PTAR1: variants seen among roughly 807,000 people sequenced by gnomAD.
PTAR1 encodes protein prenyltransferase alpha subunit repeat-containing protein 1.
In PTAR1, 17 loss-of-function variants were observed where a neutral mutation model predicts 45.5. The observed-to-expected ratio is 0.37, with a 90% confidence interval of 0.26 to 0.56. The LOEUF is 0.56. Among genes scored for constraint, PTAR1 ranks in the 20% least tolerant of loss-of-function variants. The probability of loss-of-function intolerance (pLI) is 0.77; values close to 1 mark genes in which losing one functional copy is unlikely to be tolerated. For synonymous variants in PTAR1, 169 were observed against 171.3 expected, an observed-to-expected ratio of 0.99 and a Z score of 0.11; for missense variants, 391 against 476.3, an observed-to-expected ratio of 0.82 and a Z score of 1.67.
intron 6 of PTAR1, among the ~76,000 whole-genome samples, chr9:69,721,136 C>T (rs1424636344): frequency 2.0e-5 from 3 of 152,150 alleles, no homozygotes; most frequent in African/African-American, 7.2e-5. Context: ...AAAGGGTTCA[C>T]CATTTTAGAT....
chr9:69,734,081 C>T, intron 4 of PTAR1, 69 bp downstream of exon 4: 1 of 895,998 alleles, frequency 1.1e-6, no homozygotes. Context: ...TTGCCTCTCA[C>T]ATGTCATGTT....
chr9:69,751,652 G>A (rs1826539576), intron 1 of PTAR1, among the ~76,000 whole-genome samples: 1 of 151,882 alleles, frequency 6.6e-6, no homozygotes, highest in African/African-American at 2.4e-5. Flanking sequence ...CAACAAATGT[G>A]TTTATGCTTG....
rs143604326 is a variant in PTAR1, at chr9:69,747,710, C to G, written c.256+3071G>C. ...GCCAGGTAGAAAGTTGTATACTCAACCAAGCCTTATGATTTTTCAAGTGAA... is the reference window on the plus strand; with the variant it reads ...GCCAGGTAGAAAGTTGTATACTCAAGCAAGCCTTATGATTTTTCAAGTGAA... On this transcript the variant is annotated intron_variant, in intron 2 of 7. Transcript: ENST00000340434. Among the ~76,000 whole-genome samples the G allele has an allele frequency of 4.1e-3, 620 of 152,228 alleles. 6 individuals are homozygous for G. Among genetic ancestry groups the G allele is most frequent in the African/African-American group, 0.014 (588 of 41,542 alleles).
intron 2 of PTAR1, among the ~76,000 whole-genome samples, chr9:69,747,594 C>G (rs898224094): frequency 5.3e-5 from 8 of 152,156 alleles, no homozygotes; most frequent in African/African-American, 1.9e-4. Context: ...CACTCTGCCG[C>G]AGTGTCTCAA....
chr9:69,721,536 C>G (rs1021584734), intron 6 of PTAR1, among the ~76,000 whole-genome samples: 2 of 152,198 alleles, frequency 1.3e-5, no homozygotes, highest in African/African-American at 4.8e-5. Flanking sequence ...TTTAAAATGA[C>G]TCCAATTTCG....
intron 4 of PTAR1, among the ~76,000 whole-genome samples, chr9:69,733,259 A>ATCCC (rs1277410367): frequency 1.3e-5 from 2 of 152,150 alleles, no homozygotes; most frequent in African/African-American, 4.8e-5. Flanking sequence ...TCTGTGGTAT[A>ATCCC]CTATCTCAAT....
At chr9:69,753,444 T>C (rs1826623369) in intron 1 of PTAR1, among the ~76,000 whole-genome samples, 1 of 152,174 alleles carries the variant, frequency 6.6e-6, no homozygotes, top group South Asian at 2.1e-4. Flanking sequence ...TTATCTCTGA[T>C]TTTCTCCTAA....
At chr9:69,721,367 A>G (rs1240834344) in intron 6 of PTAR1, among the ~76,000 whole-genome samples, 1 of 152,168 alleles carries the variant, frequency 6.6e-6, no homozygotes. Context: ...TAAAACTTGG[A>G]TGCATGAGGA....
rs1824673076 is a variant in PTAR1 at position 69,715,018 on chromosome 9, G to T, written c.*3324C>A. 6.6e-6 allele frequency: 1 copy of T among 152,050 alleles called. No individual in the cohort carries two copies. 9.4% of individuals were successfully genotyped at this position (152,050 alleles called of 1,614,324 possible). A position where few individuals can be genotyped will look rare whatever the true frequency, so the allele number is the denominator to read the frequency against. ...GAATTTCTTCAGATGATTAAAAGCAGTTTCGGCTCTGTATGCAGGATCTGT... is the reference window on the plus strand; with the variant it reads ...GAATTTCTTCAGATGATTAAAAGCATTTTCGGCTCTGTATGCAGGATCTGT... On this transcript the variant is annotated 3_prime_UTR_variant, in exon 8 of 8. Transcript: ENST00000340434.
chr9:69,740,913 T>C (rs1826017559), intron 3 of PTAR1, among the ~76,000 whole-genome samples: 4 of 152,304 alleles, frequency 2.6e-5, no homozygotes, highest in Admixed American at 2.6e-4. Context: ...GCAAGTAATA[T>C]AAAAATTATT....
intron 2 of PTAR1, among the ~76,000 whole-genome samples, chr9:69,743,482 TG>T (rs1299812475): frequency 1.3e-5 from 2 of 152,202 alleles, no homozygotes; most frequent in Admixed American, 1.3e-4. Context: ...AACATTTATT[TG>T]GGGCCCATGA....
At position 69,718,645 on chromosome 9, in the gene PTAR1, C is replaced by G. The variant is rs781285175; in HGVS notation, c.982+5G>C. 4 of 1,605,078 alleles carry G rather than the reference C, an allele frequency of 2.5e-6. No homozygotes were observed. In the South Asian group the frequency reaches 4.4e-5, roughly 18 times the overall value. ...ACAACTGGGTCATGCTGTGAGGAAA[C>G]CTACCATTTAAGTGATGCTGAAGGT... is the stretch of plus-strand genomic sequence containing the variant. On this transcript the variant is annotated splice_donor_5th_base_variant and intron_variant, in intron 7 of 7. Transcript: ENST00000340434.
In PTAR1 at chr9:69,711,271, A is replaced by G. The variant is rs1003724061; in HGVS notation, c.*7071T>C. ...TCAGCAGCCAGCATCGAAGTCATGC[A>G]TCAAGAACCTCGCCAGGAGGCAATG... is the stretch of plus-strand genomic sequence containing the variant. On this transcript the variant is annotated 3_prime_UTR_variant, in exon 8 of 8. Transcript: ENST00000340434. 1 of 152,244 alleles carries G rather than the reference A, an allele frequency of 6.6e-6. No homozygotes were observed. The highest frequency in any genetic ancestry group is 1.5e-5 in the Non-Finnish European group (1 of 68,050). 9.4% of individuals were successfully genotyped at this position (152,244 alleles called of 1,614,324 possible).
chr9:69,713,108 A>G lies in PTAR1; in HGVS notation c.*5234T>C, dbSNP rs139277920. ...TAACGTCAGGGTTAGCTTTCTGGAC[A>G]ATAGAATCATCCAGAAAGCACAAAT... On this transcript the variant is annotated 3_prime_UTR_variant, in exon 8 of 8. Coordinates refer to ENST00000340434, the MANE Select transcript of PTAR1 (RefSeq NM_001099666.2). 1.3e-3 allele frequency: 204 copies of G among 152,310 alleles called. No homozygotes were observed. Among genetic ancestry groups the G allele is most frequent in the African/African-American group, 4.6e-3 (193 of 41,578 alleles). The allele number at this position is 152,310 out of a possible 1,614,324, so 9.4% of individuals were successfully genotyped here. A position where few individuals can be genotyped will look rare whatever the true frequency, so the allele number is the denominator to read the frequency against.
At chr9:69,723,757 C>A in intron 5 of PTAR1, 127 bp from the exon 6 acceptor site, 1 of 732,776 alleles carries the variant, frequency 1.4e-6, no homozygotes, top group Non-Finnish European at 2.2e-6. Flanking sequence ...ATATTTTGTA[C>A]ACAATGTCTA....
chr9:69,756,860 T>C (rs562240703), intron 1 of PTAR1, among the ~76,000 whole-genome samples: 20 of 152,212 alleles, frequency 1.3e-4, no homozygotes, highest in Non-Finnish European at 1.9e-4. Flanking sequence ...ACACCTGCAC[T>C]ATGCATCACA....
rs1824765699 is a variant in PTAR1, at chr9:69,717,290, C to T, written c.*1052G>A. 6.6e-6 allele frequency: 1 copy of T among 151,852 alleles called. No homozygotes were observed. The highest frequency in any genetic ancestry group is 1.5e-5 in the Non-Finnish European group (1 of 67,968). 9.4% of individuals were successfully genotyped at this position (151,852 alleles called of 1,614,324 possible). On this transcript the variant is annotated 3_prime_UTR_variant, in exon 8 of 8. Coordinates refer to ENST00000340434, the MANE Select transcript of PTAR1 (RefSeq NM_001099666.2). ...GATCTATTTCTTTATATATTTCTCC[C>T]ATTTGTCATAAGTGAATTTGAAATT...
At position 69,750,903 on chromosome 9, in the gene PTAR1, C is replaced by T. The variant is rs375276838; in HGVS notation, c.134G>A (p.Ser45Asn). The T allele has an allele frequency of 8.1e-6, 13 of 1,608,914 alleles. No individual in the cohort carries two copies. The highest frequency in any genetic ancestry group is 1.1e-5 in the Non-Finnish European group (13 of 1,177,422). ...TTTGTTTTCAACCAGGACTATGGGA[C>T]TCCGGTTATACCTAGCTTCAGGACA... ...IPCPEARYNRSPIVLVENKLG... is the reference protein window; with the variant it reads ...IPCPEARYNRNPIVLVENKLG... Residue 45 changes from serine to asparagine, a missense_variant, in exon 2 of 8, where the codon AGT becomes AAT. Ser to Asn is a conservative substitution (Grantham distance 46). This residue lies in a region of PTAR1 where 152 missense variants were observed against 160.0 expected (regional missense o/e 0.95). Transcript: ENST00000340434.
chr9:69,743,950 A>G (rs1277157386), intron 2 of PTAR1, among the ~76,000 whole-genome samples: 1 of 152,208 alleles, frequency 6.6e-6, no homozygotes, highest in Non-Finnish European at 1.5e-5. Flanking sequence ...GGAATTATAC[A>G]TGGAAGACTG....
Sources: gnomAD v4.1 joint callset for allele counts (sites outside exome capture counted in the v4.1 genomes callset) on GRCh38, gnomAD v4.1.1 for gene constraint, gnomAD v4.1.1 regional missense constraint, MANE v1.5 for transcripts, NCBI Gene and HGNC (gene_info 2026-07-23, HGNC 2026-07-21) for gene names.